The following DIP2B variants were observed in gnomAD, a reference collection of about 807,000 sequenced individuals.
DIP2B encodes disco-interacting protein 2 homolog B.
In DIP2B, 76 loss-of-function variants were observed where a neutral mutation model predicts 198.0. The ratio of observed to expected loss-of-function variants is 0.38; its 90% CI spans 0.32 to 0.46. The LOEUF is 0.46. Among genes scored for constraint, DIP2B ranks in the 20% least tolerant of loss-of-function variants. The pLI, the probability that DIP2B is intolerant of heterozygous loss-of-function variation, is 0.99. For missense variants in DIP2B, 1,559 were observed against 1,978.4 expected (o/e 0.79, Z 4.02); for synonymous variants, 701 against 739.1 (o/e 0.95, Z 0.84).
At chr12:50,529,322 C>T (rs1958195434) in intron 1 of DIP2B, among the ~76,000 whole-genome samples, 2 of 152,146 alleles carry the variant, frequency 1.3e-5, no homozygotes, top group Non-Finnish European at 2.9e-5. Flanking sequence ...TAAACAGTAT[C>T]TTTATTGCAT....
chr12:50,694,728 C>T (rs1939280331), intron 14 of DIP2B, among the ~76,000 whole-genome samples: 1 of 146,808 alleles, frequency 6.8e-6, no homozygotes, highest in Non-Finnish European at 1.5e-5. Context: ...AATACTTGCA[C>T]AAGTCCAGGG....
At chr12:50,587,981 A>T (rs1958784985) in intron 1 of DIP2B, among the ~76,000 whole-genome samples, 1 of 152,204 alleles carries the variant, frequency 6.6e-6, no homozygotes, top group East Asian at 1.9e-4. Context: ...TTTTATAAAA[A>T]TATATAGGCT....
intron 4 of DIP2B, among the ~76,000 whole-genome samples, chr12:50,665,765 A>C (rs938796205): frequency 2.0e-5 from 3 of 151,550 alleles, no homozygotes; most frequent in Non-Finnish European, 2.9e-5. Flanking sequence ...GACAGAGTGA[A>C]ACCTCAACTG....
chr12:50,688,667 A>G (rs776883156), intron 12 of DIP2B, among the ~76,000 whole-genome samples: 3 of 152,188 alleles, frequency 2.0e-5, no homozygotes, highest in Admixed American at 1.3e-4. Context: ...AGAAAAAAAT[A>G]CAAATAAGCA....
rs1957953980 is a variant in DIP2B, at chr12:50,505,064, C to G, written c.-77C>G. ...GGCGGCCGGAGCCGGATCCTGTAGCCGGGTGTGGGCCCGTGTCTGTCCGTC... is the reference window on the plus strand; with the variant it reads ...GGCGGCCGGAGCCGGATCCTGTAGCGGGGTGTGGGCCCGTGTCTGTCCGTC... On this transcript the variant is annotated 5_prime_UTR_variant, in exon 1 of 38. Transcript: ENST00000301180. 7.2e-7 allele frequency: 1 copy of G among 1,381,908 alleles called. No individual in the cohort carries two copies. The highest frequency in any genetic ancestry group is 1.5e-5 in the African/African-American group (1 of 66,330). The allele number at this position is 1,381,908 out of a possible 1,614,324, so 85.6% of individuals were successfully genotyped here. A position where few individuals can be genotyped will look rare whatever the true frequency, so the allele number is the denominator to read the frequency against.
chr12:50,711,824 T>C (rs1440901148), intron 22 of DIP2B, among the ~76,000 whole-genome samples: 2 of 152,204 alleles, frequency 1.3e-5, no homozygotes. Context: ...CCTCCCAAAG[T>C]GCTGGGATTA....
At chr12:50,563,780 G>A (rs539905168) in intron 1 of DIP2B, among the ~76,000 whole-genome samples, 1 of 149,146 alleles carries the variant, frequency 6.7e-6, no homozygotes, top group Admixed American at 6.8e-5. Context: ...ACAGGCATAA[G>A]CCACCTTGCC....
At chr12:50,610,295 TAGG>T (rs1190038728) in intron 1 of DIP2B, among the ~76,000 whole-genome samples, 4 of 152,288 alleles carry the variant, frequency 2.6e-5, no homozygotes, top group Middle Eastern at 3.4e-3. Flanking sequence ...TTTTTGTTAC[TAGG>T]AGTAGTGTTT....
At chr12:50,519,133 TA>T (rs1958092751) in intron 1 of DIP2B, among the ~76,000 whole-genome samples, 3 of 152,188 alleles carry the variant, frequency 2.0e-5, no homozygotes, top group Non-Finnish European at 4.4e-5. Context: ...GAAAAAGGTA[TA>T]GGGGTGTAAT....
intron 10 of DIP2B, among the ~76,000 whole-genome samples, chr12:50,684,044 T>C (rs189546089): frequency 6.6e-6 from 1 of 152,152 alleles, no homozygotes; most frequent in Non-Finnish European, 1.5e-5. Context: ...ACCCAGGAGA[T>C]TGAGGCTGCA....
chr12:50,554,813 G>A (rs1268254486), intron 1 of DIP2B, among the ~76,000 whole-genome samples: 1 of 150,512 alleles, frequency 6.6e-6, no homozygotes, highest in Non-Finnish European at 1.5e-5. Context: ...GTCTCACCAG[G>A]CTGAAATGCA....
chr12:50,712,834 G>A (rs182713298), intron 22 of DIP2B, among the ~76,000 whole-genome samples: 7 of 152,286 alleles, frequency 4.6e-5, no homozygotes, highest in Admixed American at 3.9e-4. Context: ...CTTGAACCCA[G>A]GAGGCGGAGG....
intron 1 of DIP2B, among the ~76,000 whole-genome samples, chr12:50,593,717 T>TCCCCTCCC (rs1593637801): frequency 1.8e-4 from 2 of 11,268 alleles, no homozygotes; most frequent in East Asian, 3.8e-3. Flanking sequence ...CCTCCTCTCC[T>TCCCCTCCC]CTCCTCTCCT....
chr12:50,580,779 G>A (rs554244930), intron 1 of DIP2B, among the ~76,000 whole-genome samples: 11 of 148,558 alleles, frequency 7.4e-5, no homozygotes, highest in Non-Finnish European at 1.5e-4. Context: ...TTAATGGGTA[G>A]AGGTCAGCAG....
chr12:50,611,814 T>G (rs1032380303), intron 1 of DIP2B, among the ~76,000 whole-genome samples: 1 of 152,140 alleles, frequency 6.6e-6, no homozygotes, highest in African/African-American at 2.4e-5. Flanking sequence ...CCAAGAAAAC[T>G]TCAGTTTTAG....
chr12:50,742,303 G>C (rs886550410), intron 37 of DIP2B, among the ~76,000 whole-genome samples: 5 of 148,748 alleles, frequency 3.4e-5, no homozygotes, highest in Non-Finnish European at 5.9e-5. Context: ...AGGCTGAGGT[G>C]GGAGGATCAC....
intron 9 of DIP2B, 76 bp from the exon 10 acceptor site, chr12:50,683,062 A>G: frequency 8.5e-7 from 1 of 1,180,124 alleles, no homozygotes; most frequent in Non-Finnish European, 1.2e-6. Flanking sequence ...TAAATATTAC[A>G]TACTTAGACA....
At chr12:50,637,783 A>G (rs893931100) in intron 2 of DIP2B, among the ~76,000 whole-genome samples, 2 of 152,188 alleles carry the variant, frequency 1.3e-5, no homozygotes, top group Non-Finnish European at 1.5e-5. Flanking sequence ...TATCTGTTAA[A>G]TCATAAGCAG....
At chr12:50,606,451 G>A (rs998450476) in intron 1 of DIP2B, among the ~76,000 whole-genome samples, 2 of 152,170 alleles carry the variant, frequency 1.3e-5, no homozygotes, top group Middle Eastern at 3.2e-3. Context: ...GGATAATATT[G>A]CGAGGATATA....
Sources: gnomAD v4.1 joint callset for allele counts (sites outside exome capture counted in the v4.1 genomes callset) on GRCh38, gnomAD v4.1.1 for gene constraint, MANE v1.5 for transcripts, NCBI Gene and HGNC (gene_info 2026-07-23, HGNC 2026-07-21) for gene names.